The following OPCML variants were observed in gnomAD, a reference collection of about 807,000 sequenced individuals.
OPCML encodes the protein opioid binding protein/cell adhesion molecule like.
A neutral mutation model predicts 37.8 loss-of-function variants in OPCML; 13 were observed. That is an observed-to-expected ratio of 0.34 (90% CI 0.22 to 0.55). The LOEUF (loss-of-function observed/expected upper bound fraction) is 0.55. Among genes scored for constraint, OPCML ranks in the 20% least tolerant of loss-of-function variants. The probability of loss-of-function intolerance (pLI) is 0.91; values close to 1 mark genes in which losing one functional copy is unlikely to be tolerated. For missense variants in OPCML, 341 were observed against 435.6 expected (o/e 0.78, Z 1.93); for synonymous variants, 176 against 168.8 (o/e 1.04, Z -0.33).
chr11:133,104,720 G>T (rs141315585), intron 1 of OPCML, among the ~76,000 whole-genome samples: 20 of 152,328 alleles, frequency 1.3e-4, no homozygotes, highest in African/African-American at 4.6e-4. Context: ...AATGCTTCAA[G>T]AAGAAATTCA....
Position 132,678,727 on chromosome 11 carries a change from C to T in OPCML, c.147-21408G>A, listed in dbSNP as rs541443537. On this transcript the variant is annotated intron_variant, in intron 2 of 7. Coordinates refer to ENST00000524381, the MANE Select transcript of OPCML (RefSeq NM_001012393.5). ...CCATCAGTGGCTATTAGGGGTTGGG[C>T]GAGGGAGAGGTGAACAGGCAGAGCA... Among the ~76,000 whole-genome samples, 190 of 152,150 alleles carry T rather than the reference C, an allele frequency of 1.2e-3. 2 individuals carry two copies. The highest frequency in any genetic ancestry group is 3.1e-3 in the Admixed American group (48 of 15,286).
At chr11:132,736,274 T>C (rs1317065953) in intron 2 of OPCML, among the ~76,000 whole-genome samples, 1 of 152,182 alleles carries the variant, frequency 6.6e-6, no homozygotes. Context: ...CAAGGCTATA[T>C]GGAAGGAAGC....
chr11:132,561,798 G>A (rs537162565), intron 3 of OPCML, among the ~76,000 whole-genome samples: 5 of 152,348 alleles, frequency 3.3e-5, no homozygotes, highest in East Asian at 1.9e-4. Flanking sequence ...AGGAGAACAG[G>A]CCTGTGAGCA....
At chr11:132,482,486 G>C (rs1402056744) in intron 4 of OPCML, among the ~76,000 whole-genome samples, 2 of 152,132 alleles carry the variant, frequency 1.3e-5, no homozygotes, top group Admixed American at 1.3e-4. Context: ...AATTCTACCA[G>C]AGATACAAGG....
At chr11:132,540,412 T>G (rs1174776092) in intron 3 of OPCML, among the ~76,000 whole-genome samples, 1 of 152,178 alleles carries the variant, frequency 6.6e-6, no homozygotes, top group African/African-American at 2.4e-5. Flanking sequence ...CAGGAGATTT[T>G]CAGAAAAATA....
intron 1 of OPCML, among the ~76,000 whole-genome samples, chr11:133,098,860 G>A (rs75050550): frequency 1.3e-5 from 2 of 152,090 alleles, no homozygotes; most frequent in Non-Finnish European, 2.9e-5. Context: ...GCATATAGAT[G>A]GGGAAGGAAG....
intron 1 of OPCML, chr11:133,009,405 C>T (rs1947173601): frequency 4.4e-6 from 1 of 226,552 alleles, no homozygotes; most frequent in Non-Finnish European, 7.3e-6. Flanking sequence ...AAGTCTGGCA[C>T]TTTTGTTCCT....
At chr11:133,287,919 T>G (rs1942350414) in intron 1 of OPCML, among the ~76,000 whole-genome samples, 1 of 152,182 alleles carries the variant, frequency 6.6e-6, no homozygotes, top group African/African-American at 2.4e-5. Flanking sequence ...TGGACTGGTT[T>G]CTGGCTCCCG....
At chr11:133,493,521 A>G (rs1390662340) in intron 1 of OPCML, among the ~76,000 whole-genome samples, 2 of 152,170 alleles carry the variant, frequency 1.3e-5, no homozygotes, top group African/African-American at 4.8e-5. Flanking sequence ...TCAAACCAAT[A>G]AGACACTTCT....
intron 2 of OPCML, among the ~76,000 whole-genome samples, chr11:132,759,120 T>C (rs1049148377): frequency 6.6e-6 from 1 of 152,220 alleles, no homozygotes; most frequent in Non-Finnish European, 1.5e-5. Flanking sequence ...TTGTGTATGT[T>C]GAACCAGCCT....
At chr11:133,140,528 TAATAAGAAGAAGAAGAAGAAG>T (rs1376618755) in intron 1 of OPCML, among the ~76,000 whole-genome samples, 921 of 61,262 alleles carry the variant, frequency 0.015, 10 homozygotes, top group African/African-American at 0.048. Flanking sequence ...ATAATAATAA[TAATAAGAAGAAGAAGAAGAAG>T]AAGAAGAAGA....
At chr11:133,193,829 T>C (rs1379413792) in intron 1 of OPCML, among the ~76,000 whole-genome samples, 2 of 152,160 alleles carry the variant, frequency 1.3e-5, no homozygotes, top group Non-Finnish European at 1.5e-5. Flanking sequence ...GATAATGCAT[T>C]GATTTATGAT....
chr11:132,930,710 C>G (rs1456481284), intron 2 of OPCML, among the ~76,000 whole-genome samples: 2 of 151,982 alleles, frequency 1.3e-5, no homozygotes, highest in Admixed American at 6.5e-5. Flanking sequence ...ATAAAGAACA[C>G]AAAAATAAGT....
chr11:133,255,796 C>A (rs1941292602), intron 1 of OPCML, among the ~76,000 whole-genome samples: 1 of 151,950 alleles, frequency 6.6e-6, no homozygotes, highest in African/African-American at 2.4e-5. Flanking sequence ...GGCTTAAAAC[C>A]CCTATGGCTG....
intron 3 of OPCML, among the ~76,000 whole-genome samples, chr11:132,549,295 G>T (rs985746469): frequency 6.6e-6 from 1 of 152,208 alleles, no homozygotes; most frequent in Non-Finnish European, 1.5e-5. Context: ...GCAATGTCAG[G>T]AAGTTACCCT....
In OPCML at chr11:133,473,800, G is replaced by A. The variant is rs535107127; in HGVS notation, c.61+58464C>T. ...ACCCACATGGGCAGGGCTGGTGGAAGGGTTGGCTTCCCAAGAGCTATCTGC... is the reference window on the plus strand; with the variant it reads ...ACCCACATGGGCAGGGCTGGTGGAAAGGTTGGCTTCCCAAGAGCTATCTGC... On this transcript the variant is annotated intron_variant, in intron 1 of 7. Transcript: ENST00000524381. Among the ~76,000 whole-genome samples, 4 of 152,326 alleles carry A rather than the reference G, an allele frequency of 2.6e-5. No individual in the cohort carries two copies. The East Asian group carries it at 7.7e-4, about 29-fold the overall frequency.
chr11:133,463,165 C>T (rs1391121651), intron 1 of OPCML, among the ~76,000 whole-genome samples: 1 of 118,758 alleles, frequency 8.4e-6, no homozygotes, highest in South Asian at 2.8e-4. Flanking sequence ...TTTGAATATA[C>T]AGTTAAAAAA....
chr11:133,368,244 G>A (rs1944592566), intron 1 of OPCML, among the ~76,000 whole-genome samples: 1 of 54,450 alleles, frequency 1.8e-5, no homozygotes, highest in East Asian at 1.6e-3. Context: ...GAAAAGGTGA[G>A]GTGGGGGGGG....
chr11:133,243,273 G>C (rs1330090414), intron 1 of OPCML, among the ~76,000 whole-genome samples: 1 of 152,218 alleles, frequency 6.6e-6, no homozygotes. Flanking sequence ...AGTGCCTGGA[G>C]TGGGGTTCCT....
Sources: gnomAD v4.1 joint callset for allele counts (sites outside exome capture counted in the v4.1 genomes callset) on GRCh38, gnomAD v4.1.1 for gene constraint, MANE v1.5 for transcripts, NCBI Gene and HGNC (gene_info 2026-07-23, HGNC 2026-07-21) for gene names.